The following JAK3 variants were observed in gnomAD, a reference collection of about 807,000 sequenced individuals.
JAK3 encodes the protein Janus kinase 3.
A neutral mutation model predicts 120.8 loss-of-function variants in JAK3; 88 were observed. That is an observed-to-expected ratio of 0.73 (90% CI 0.61 to 0.87). JAK3 has a LOEUF of 0.87. JAK3 is among the 40% of genes least tolerant of loss of function. JAK3 has a pLI of 0.00. For synonymous variants in JAK3, 592 were observed against 628.6 expected, an observed-to-expected ratio of 0.94 and a Z score of 0.87; for missense variants, 1,254 against 1,501.4, an observed-to-expected ratio of 0.84 and a Z score of 2.72.
rs2094214784 is a variant in JAK3, at chr19:17,831,688, A to G, written c.2791T>C (p.Ser931Pro). 1 of 1,609,284 alleles carries G rather than the reference A, an allele frequency of 6.2e-7. No homozygotes were observed. Residue 931 changes from serine to proline, a missense_variant, in exon 20 of 24, where the codon TCG (serine) becomes CCG (proline). This residue lies in a region of JAK3 where 630 missense variants were observed against 819.8 expected (regional missense o/e 0.77). Transcript: ENST00000458235. This position sits in a 1 kb window ranked among gnomAD's most constrained non-coding sequence, Gnocchi z 5.1. ...LDASRLLLYS[S>P]QICKGMEYLG... Reference sequence around the variant, plus strand: ...CCCCCTCGCACCTTGCAGATCTGCGAGGAATAGAGAAGGAGGCGGCTGGCA... The same window carrying G: ...CCCCCTCGCACCTTGCAGATCTGCGGGGAATAGAGAAGGAGGCGGCTGGCA...
At chr19:17,830,773 T>C (rs1024265030) in intron 21 of JAK3, among the ~76,000 whole-genome samples, 153 bp from the exon 22 acceptor site, 7 of 137,392 alleles carry the variant, frequency 5.1e-5, no homozygotes, top group Non-Finnish European at 1.1e-4. Context: ...GTGGGATAGG[T>C]GGATTCTCCA....
At chr19:17,839,844 G>A (rs747816701) in intron 9 of JAK3, among the ~76,000 whole-genome samples, 181 bp from the exon 10 acceptor site, 1 of 150,300 alleles carries the variant, frequency 6.7e-6, no homozygotes, top group Non-Finnish European at 1.5e-5. Context: ...AGGTTCAAGC[G>A]ATTCTCCTGC....
chr19:17,830,156 C>G lies in JAK3; in HGVS notation c.3159G>C (p.Leu1053=). 6.3e-7 allele frequency: 1 copy of G among 1,596,658 alleles called. No homozygotes were observed. The highest frequency in any genetic ancestry group is 8.5e-7 in the Non-Finnish European group (1 of 1,172,748). ...CCGGCAGCCTCTGGCCCTCCTCCAG[C>G]AGTTCCAAGAGGCGGCAGAGGGCGG... The part of the protein sequence containing the change: ...DVPALCRLLE[L]LEEGQRLPAP... Residue 1053 remains leucine (L), a synonymous_variant, in exon 23 of 24, where the codon CTG becomes CTC. Transcript: ENST00000458235.
In JAK3 at chr19:17,843,169, G is replaced by T. The variant is rs773590163; in HGVS notation, c.424C>A (p.Arg142Ser). 1 of 1,602,812 alleles carries T rather than the reference G, an allele frequency of 6.2e-7. No homozygotes were observed. The highest frequency in any genetic ancestry group is 1.1e-5 in the South Asian group (1 of 90,438). The change falls in exon 5 of 24, where the codon CGC becomes AGC. Residue 142 changes from arginine (R) to serine (S), a missense_variant. Physicochemically the swap from Arg to Ser is moderately radical, Grantham distance 110. Transcript: ENST00000458235. This position sits in a 1 kb window ranked among gnomAD's most constrained non-coding sequence, Gnocchi z 5.4. ...PVLEHLFAQH[R>S]SDLVSGRLPV... The stretch of plus-strand genomic sequence containing the variant: ...AGGCGCCCACTCACCAGGTCACTGC[G>T]GTGCTGGGGGGCCGCCACAGGGAGC...
At chr19:17,844,210 C>T (rs1293389921) in intron 2 of JAK3, 24 bp downstream of exon 2, 1 of 1,563,882 alleles carries the variant, frequency 6.4e-7, no homozygotes, top group Non-Finnish European at 8.7e-7. Context: ...TCCCTCTGGC[C>T]CGATCCACTA....
At chr19:17,838,747 G>A (rs866521068) in intron 10 of JAK3, among the ~76,000 whole-genome samples, 57 of 124,896 alleles carry the variant, frequency 4.6e-4, no homozygotes, top group South Asian at 1.8e-3. Context: ...ACAGAGTCTC[G>A]CTCTGTCACC....
rs1363017670 is a variant in JAK3 at position 17,844,270 on chromosome 19, C to G, written c.148G>C (p.Ala50Pro). 1 of 1,604,444 alleles carries G rather than the reference C, an allele frequency of 6.2e-7. No homozygotes were observed. The highest frequency in any genetic ancestry group is 1.7e-5 in the Admixed American group (1 of 58,678). Residue 50 changes from alanine (A) to proline (P), a missense_variant, in exon 2 of 24, where the codon GCT (alanine) becomes CCT (proline). Transcript: ENST00000458235. ...RLSFSFGDHL[A>P]EDLCVQAAKA... The stretch of plus-strand genomic sequence containing the variant: ...GCAGCCTGCACGCACAGGTCCTCAG[C>G]CAAGTGGTCCCCAAAGGAGAAAGAT...
rs1245996474 is a variant in JAK3 at position 17,830,636 on chromosome 19, G to A, written c.2979-16C>T. On this transcript the variant is annotated splice_polypyrimidine_tract_variant and intron_variant, in intron 21 of 23. Transcript: ENST00000458235. ...GGGGGCATACCTGGAGAGGGGACAA[G>A]GTCTTGAGATGCGAGGGTGTAGAAA... 4 of 1,602,536 alleles carry A rather than the reference G, an allele frequency of 2.5e-6. No individual in the cohort carries two copies. Among genetic ancestry groups the A allele is most frequent in the South Asian group, 1.1e-5 (1 of 90,786 alleles).
intron 23 of JAK3, among the ~76,000 whole-genome samples, chr19:17,829,073 C>T (rs552012237): frequency 2.6e-5 from 4 of 152,206 alleles, no homozygotes; most frequent in African/African-American, 9.6e-5. Context: ...GCAGGAGGAT[C>T]GCTTGAGCCC....
chr19:17,843,262 C>A lies in JAK3; in HGVS notation c.421-90G>T, dbSNP rs2094244502. The A allele has an allele frequency of 1.2e-5, 18 of 1,543,172 alleles. No homozygotes were observed. Among genetic ancestry groups the A allele is most frequent in the Non-Finnish European group, 1.6e-5 (18 of 1,140,404 alleles). ...CAGACCCCCCCAATCCTGGGCTGAC[C>A]CCCACCCCTGGACTGCCACAGGGAG... On this transcript the variant is annotated intron_variant, in intron 4 of 23. Coordinates refer to ENST00000458235, the MANE Select transcript of JAK3 (RefSeq NM_000215.4). This position sits in a 1 kb window ranked among gnomAD's most constrained non-coding sequence, Gnocchi z 5.4.
Position 17,843,189 on chromosome 19 carries a change from G to T in JAK3, c.421-17C>A. On this transcript the variant is annotated splice_polypyrimidine_tract_variant and intron_variant, in intron 4 of 23. Coordinates refer to ENST00000458235, the MANE Select transcript of JAK3 (RefSeq NM_000215.4). The surrounding 1 kb of genome is among the most constrained non-coding windows in gnomAD (Gnocchi z 5.4). ...ACTGCGGTGCTGGGGGGCCGCCACA[G>T]GGAGCATCAGCTGAGGCCACCCAAC... The T allele has an allele frequency of 6.3e-7, 1 of 1,599,048 alleles. No individual in the cohort carries two copies. The highest frequency in any genetic ancestry group is 1.3e-5 in the African/African-American group (1 of 74,824).
At position 17,838,374 on chromosome 19, in the gene JAK3, G is replaced by A. The variant is rs1297346398; in HGVS notation, c.1458C>T (p.Ile486=). ...IPRPKEKSNL[I]VVQRGHSPPT... ...GTGGGCTGTGACCTCTCTGGACCAC[G>A]ATCAGGTTGGACTTTTCTATGGGGA... The change falls in exon 11 of 24, where the codon ATC becomes ATT. Residue 486 remains isoleucine, a synonymous_variant. Coordinates refer to ENST00000458235, the MANE Select transcript of JAK3 (RefSeq NM_000215.4). The A allele has an allele frequency of 6.2e-6, 10 of 1,613,986 alleles. No individual in the cohort carries two copies. The highest frequency in any genetic ancestry group is 5.0e-5 in the Admixed American group (3 of 59,986).
At chr19:17,838,411 A>AG in intron 10 of JAK3, 21 bp from the exon 11 acceptor site, 1 of 1,614,092 alleles carries the variant, frequency 6.2e-7, no homozygotes, top group Non-Finnish European at 8.5e-7. Flanking sequence ...AGGATGAGGG[A>AG]GAAAAACCAG....
intron 1 of JAK3, among the ~76,000 whole-genome samples, chr19:17,845,344 A>C (rs1443931269): frequency 6.6e-6 from 1 of 152,026 alleles, no homozygotes; most frequent in Non-Finnish European, 1.5e-5. Flanking sequence ...ATTTTCTTGT[A>C]TTTTTAGTAG....
rs140784576 is a variant in JAK3, at chr19:17,844,300, G to A, written c.118C>T (p.Arg40Cys). 13 of 1,607,342 alleles carry A rather than the reference G, an allele frequency of 8.1e-6. No homozygotes were observed. The highest frequency in any genetic ancestry group is 4.5e-5 in the East Asian group (2 of 44,682). Residue 40 changes from arginine to cysteine, a missense_variant, in exon 2 of 24, where the codon CGC (arginine) becomes TGC (cysteine). Physicochemically the swap from Arg to Cys is radical, Grantham distance 180. Around this residue, in one of 3 missense-constraint regions of JAK3, gnomAD observed 138 missense variants for 178.7 expected, o/e 0.77. Transcript: ENST00000458235. ...TGGTCCCCAAAGGAGAAAGATAGGC[G>A]CTGGGGGGGCCCGGGGCCCCGAGCG... ...LPARGPGPPQ[R>C]LSFSFGDHLA...
At chr19:17,833,438 T>TTG (rs1464769120) in intron 17 of JAK3, among the ~76,000 whole-genome samples, 2 of 151,736 alleles carry the variant, frequency 1.3e-5, no homozygotes, top group East Asian at 3.9e-4. Context: ...CTGGGCATGG[T>TTG]TGTGTGTGCC....
chr19:17,838,013 G>A lies in JAK3; in HGVS notation c.1620C>T (p.Arg540=), dbSNP rs778219973. 1 of 1,614,072 alleles carries A rather than the reference G, an allele frequency of 6.2e-7. No individual in the cohort carries two copies. Among genetic ancestry groups the A allele is most frequent in the South Asian group, 1.1e-5 (1 of 91,082 alleles). The change falls in exon 12 of 24, where the codon CGC becomes CGT. Residue 540 remains arginine (R), a synonymous_variant. Coordinates refer to ENST00000458235, the MANE Select transcript of JAK3 (RefSeq NM_000215.4). ...GGGCCTCCCCATCCACCACCTCATGGCGACAGCCCCGGTAAATCTTGGTGA... is the reference window on the plus strand; with the variant it reads ...GGGCCTCCCCATCCACCACCTCATGACGACAGCCCCGGTAAATCTTGGTGA... The part of the protein sequence containing the change: ...GSFTKIYRGC[R]HEVVDGEARK...
Position 17,842,210 on chromosome 19 carries a change from C to G in JAK3, c.861+106G>C. 7.9e-7 allele frequency: 1 copy of G among 1,259,010 alleles called. No individual in the cohort carries two copies. Among genetic ancestry groups the G allele is most frequent in the Non-Finnish European group, 1.1e-6 (1 of 938,624 alleles). 78.0% of individuals were successfully genotyped at this position (1,259,010 alleles called of 1,614,324 possible). ...CCCTCATTAAGCCTCGCCCACTTCC[C>G]CAAGTCTTTCGTTTTGGCTCCGCCC... On this transcript the variant is annotated intron_variant, in intron 6 of 23. Transcript: ENST00000458235. The surrounding 1 kb of genome is among the most constrained non-coding windows in gnomAD (Gnocchi z 6.4).
chr19:17,839,827 G>A (rs182219848), intron 9 of JAK3, among the ~76,000 whole-genome samples, 164 bp from the exon 10 acceptor site: 4 of 141,488 alleles, frequency 2.8e-5, no homozygotes, highest in South Asian at 2.3e-4. Context: ...TGCAACCTCC[G>A]CCTCCCAGGT....
Sources: gnomAD v4.1 joint callset for allele counts (sites outside exome capture counted in the v4.1 genomes callset) on GRCh38, gnomAD v4.1.1 for gene constraint, gnomAD v4.1.1 regional missense constraint, Gnocchi (gnomAD v3.1) non-coding constraint, MANE v1.5 for transcripts, NCBI Gene and HGNC (gene_info 2026-07-23, HGNC 2026-07-21) for gene names.